KLC1: variants seen among roughly 807,000 people sequenced by gnomAD.
KLC1 encodes kinesin light chain 1.
Under a neutral mutation model 84.2 loss-of-function variants are expected in KLC1, and 30 were observed. The observed-to-expected ratio is 0.36, with a 90% CI of 0.27 to 0.48. The LOEUF (loss-of-function observed/expected upper bound fraction) is 0.48. Ranked by LOEUF, KLC1 falls within the 20% of genes least tolerant of loss-of-function variation. The pLI is 0.99. For missense variants in KLC1, 499 were observed against 805.4 expected (o/e 0.62, Z 4.60); for synonymous variants, 289 against 293.3 (o/e 0.99, Z 0.15).
chr14:103,691,977 C>T (rs2151853492), intron 14 of KLC1, among the ~76,000 whole-genome samples: 1 of 152,206 alleles, frequency 6.6e-6, no homozygotes, highest in East Asian at 1.9e-4. Context: ...CCCATGTTAC[C>T]CGGGATGGTC....
intron 1 of KLC1, among the ~76,000 whole-genome samples, chr14:103,635,255 TGTTCAGGCTTC>T (rs2076963067): frequency 6.6e-6 from 1 of 152,212 alleles, no homozygotes; most frequent in African/African-American, 2.4e-5. Flanking sequence ...CATAAATTTA[TGTTCAGGCTTC>T]TCTGAAGTTC....
At chr14:103,643,845 T>C (rs2077682038) in intron 1 of KLC1, among the ~76,000 whole-genome samples, 1 of 152,040 alleles carries the variant, frequency 6.6e-6, no homozygotes. Context: ...GGAGAATCAC[T>C]TGAGCGCAGA....
chr14:103,668,555 G>A (rs956704753), intron 5 of KLC1, among the ~76,000 whole-genome samples: 5 of 151,954 alleles, frequency 3.3e-5, no homozygotes, highest in African/African-American at 1.2e-4. Context: ...TATGCTCACT[G>A]CAAGCTCCGC....
chr14:103,695,505 A>G (rs1235730136), intron 15 of KLC1: 1 of 984,980 alleles, frequency 1.0e-6, no homozygotes, highest in African/African-American at 1.8e-5. Context: ...GACAGGGAGG[A>G]GGGCTCCGGA....
intron 13 of KLC1, chr14:103,685,328 G>A: frequency 7.8e-7 from 1 of 1,281,250 alleles, no homozygotes; most frequent in Non-Finnish European, 9.9e-7. Flanking sequence ...TACTTGTAAA[G>A]CCTTTTACAC....
chr14:103,633,989 C>T (rs2076875106), intron 1 of KLC1, among the ~76,000 whole-genome samples: 1 of 152,202 alleles, frequency 6.6e-6, no homozygotes, highest in Admixed American at 6.5e-5. Context: ...CTGCCTCAGC[C>T]TCCCAAGTAG....
intron 5 of KLC1, among the ~76,000 whole-genome samples, chr14:103,667,236 C>G (rs34526505): frequency 6.6e-6 from 1 of 152,034 alleles, no homozygotes; most frequent in African/African-American, 2.4e-5. Flanking sequence ...CTCAGGCTCC[C>G]GAGTAGCTGG....
At chr14:103,677,681 G>A (rs552599025) in intron 12 of KLC1, among the ~76,000 whole-genome samples, 158 bp downstream of exon 12, 50 of 152,316 alleles carry the variant, frequency 3.3e-4, no homozygotes, top group African/African-American at 1.1e-3. Context: ...GCATGAGGCC[G>A]GGCGTGGTGG....
chr14:103,658,014 C>T (rs1022935916), intron 3 of KLC1, among the ~76,000 whole-genome samples: 8 of 152,354 alleles, frequency 5.3e-5, no homozygotes, highest in African/African-American at 1.9e-4. Context: ...TTCCTTGCCC[C>T]TCTGTAGCTT....
At chr14:103,675,877 T>C in intron 11 of KLC1, 121 bp downstream of exon 11, 4 of 751,276 alleles carry the variant, frequency 5.3e-6, no homozygotes, top group Non-Finnish European at 8.9e-6. Flanking sequence ...GTCCCATGTT[T>C]TTCCCGAATT....
chr14:103,669,645 A>T, intron 6 of KLC1, 47 bp downstream of exon 6: 1 of 1,269,158 alleles, frequency 7.9e-7, no homozygotes, highest in Non-Finnish European at 1.1e-6. Flanking sequence ...TATTTTCCCC[A>T]TATATTTCTT....
chr14:103,690,615 C>T (rs2082048960), intron 14 of KLC1, among the ~76,000 whole-genome samples: 1 of 120,884 alleles, frequency 8.3e-6, no homozygotes, highest in South Asian at 3.1e-4. Context: ...TTCCCAGGAA[C>T]TGCTGCGCTC....
intron 15 of KLC1, chr14:103,696,801 G>C: frequency 3.0e-6 from 3 of 985,508 alleles, no homozygotes; most frequent in Non-Finnish European, 3.6e-6. Flanking sequence ...CCCTGAGGGA[G>C]GGTCTTCAGG....
intron 1 of KLC1, among the ~76,000 whole-genome samples, chr14:103,654,125 G>C (rs1046208424): frequency 1.3e-5 from 2 of 152,114 alleles, no homozygotes; most frequent in African/African-American, 4.8e-5. Flanking sequence ...TCTTTGGCTG[G>C]TTTTTCTTTC....
chr14:103,663,053 A>G, intron 5 of KLC1, 126 bp downstream of exon 5: 1 of 585,702 alleles, frequency 1.7e-6, no homozygotes, highest in Non-Finnish European at 2.8e-6. Context: ...TTCTCTTTAA[A>G]CAGGGGTTAA....
At chr14:103,642,462 T>C (rs1281015333) in intron 1 of KLC1, among the ~76,000 whole-genome samples, 1 of 152,310 alleles carries the variant, frequency 6.6e-6, no homozygotes, top group East Asian at 1.9e-4. Flanking sequence ...TTGATATTTT[T>C]CCCATGGTTA....
intron 5 of KLC1, among the ~76,000 whole-genome samples, chr14:103,668,265 G>A (rs1170016584): frequency 1.3e-5 from 2 of 152,322 alleles, no homozygotes; most frequent in African/African-American, 4.8e-5. Context: ...TTGGTCCATT[G>A]TTCTAGACTG....
intron 15 of KLC1, chr14:103,700,038 G>T (rs1282458979): frequency 1.1e-5 from 3 of 270,026 alleles, no homozygotes; most frequent in Non-Finnish European, 2.2e-5. Context: ...CCAGCCCGTG[G>T]TGGCCATGAC....
At chr14:103,679,171 C>T (rs36066845) in intron 12 of KLC1, 23,419 of 624,714 alleles carry the variant, frequency 0.037, 602 homozygotes, top group Middle Eastern at 0.05. Context: ...CCTGTGCAAT[C>T]CCAGCCCCAT....
Sources: allele counts gnomAD v4.1 joint callset (sites outside exome capture counted in the v4.1 genomes callset), GRCh38; gene constraint gnomAD v4.1.1; transcripts MANE v1.5; gene names NCBI Gene and HGNC (gene_info 2026-07-23, HGNC 2026-07-21).